Variants in TENM3 observed in about 807,000 individuals in gnomAD.
TENM3 encodes the protein teneurin-3.
Under a neutral mutation model 255.1 loss-of-function variants are expected in TENM3, and 63 were observed. The ratio of observed to expected loss-of-function variants is 0.25; its 90% CI spans 0.20 to 0.30. The LOEUF (loss-of-function observed/expected upper bound fraction) is 0.30. Ranked by LOEUF, TENM3 falls within the 10% of genes least tolerant of loss-of-function variation. The probability of loss-of-function intolerance (pLI) is 1.00; values close to 1 mark genes in which losing one functional copy is unlikely to be tolerated. For missense variants in TENM3, 2,929 were observed against 3,461.1 expected (o/e 0.85, Z 3.86); for synonymous variants, 1,306 against 1,322.3 (o/e 0.99, Z 0.27).
the TENM3 span, among the ~76,000 whole-genome samples, chr4:181,967,006 G>T: frequency 1.8e-4 from 26 of 145,238 alleles, no homozygotes; most frequent in Non-Finnish European, 3.1e-4. Context: ...TCTCTCTCTC[G>T]CTCTCTCTCT....
intron 5 of TENM3, among the ~76,000 whole-genome samples, chr4:182,636,610 G>A (rs1003839742): frequency 2.0e-5 from 3 of 151,832 alleles, no homozygotes; most frequent in African/African-American, 4.8e-5. Context: ...CCAGCTACTC[G>A]GGAGGCTGAG....
At chr4:182,607,968 C>T (rs1234434005) in intron 4 of TENM3, among the ~76,000 whole-genome samples, 2 of 152,076 alleles carry the variant, frequency 1.3e-5, no homozygotes, top group African/African-American at 4.8e-5. Flanking sequence ...TACTCTGGTC[C>T]TAGTCAGTGA....
the TENM3 span, among the ~76,000 whole-genome samples, chr4:182,128,347 T>A: frequency 6.6e-6 from 1 of 152,072 alleles, no homozygotes; most frequent in African/African-American, 2.4e-5. Flanking sequence ...TCTTTTCTTA[T>A]TTTTTACTTT....
chr4:181,640,908 C>T, the TENM3 span, among the ~76,000 whole-genome samples: 1 of 152,156 alleles, frequency 6.6e-6, no homozygotes, highest in South Asian at 2.1e-4. Context: ...TCAAGAATTC[C>T]ATAGAAACCA....
At chr4:181,578,056 A>C in the TENM3 span, among the ~76,000 whole-genome samples, 1 of 152,150 alleles carries the variant, frequency 6.6e-6, no homozygotes, top group African/African-American at 2.4e-5. Context: ...CCAGTGCACT[A>C]AACTGTGGCC....
At chr4:181,966,959 C>T in the TENM3 span, among the ~76,000 whole-genome samples, 4 of 152,072 alleles carry the variant, frequency 2.6e-5, no homozygotes, top group Non-Finnish European at 5.9e-5. Flanking sequence ...CCTCCTTCTT[C>T]TCTCCCTCCC....
chr4:182,606,237 T>A (rs1443800825), intron 4 of TENM3, among the ~76,000 whole-genome samples: 1 of 152,030 alleles, frequency 6.6e-6, no homozygotes, highest in Non-Finnish European at 1.5e-5. Flanking sequence ...GAACAAGAGG[T>A]AGCAGGCCGG....
intron 3 of TENM3, among the ~76,000 whole-genome samples, chr4:182,368,300 C>G (rs1003374241): frequency 2.6e-5 from 4 of 152,106 alleles, no homozygotes; most frequent in African/African-American, 9.7e-5. Flanking sequence ...AACCGTATTC[C>G]CCTCCACCTT....
the TENM3 span, among the ~76,000 whole-genome samples, chr4:181,912,916 C>T: frequency 6.6e-6 from 1 of 152,064 alleles, no homozygotes; most frequent in African/African-American, 2.4e-5. Flanking sequence ...AGTAGAGTTA[C>T]AGCATGCTGA....
At chr4:182,570,797 T>C (rs1744278314) in intron 3 of TENM3, among the ~76,000 whole-genome samples, 1 of 151,086 alleles carries the variant, frequency 6.6e-6, no homozygotes, top group Non-Finnish European at 1.5e-5. Context: ...ACCACTGCAA[T>C]CCAGCCTGGG....
chr4:182,562,559 C>T (rs1743306614), intron 3 of TENM3, among the ~76,000 whole-genome samples: 1 of 152,078 alleles, frequency 6.6e-6, no homozygotes, highest in Admixed American at 6.6e-5. Context: ...GCTGCCCTAC[C>T]GTGACACCCT....
chr4:182,688,585 G>T (rs896648239), intron 12 of TENM3, among the ~76,000 whole-genome samples: 1 of 152,036 alleles, frequency 6.6e-6, no homozygotes, highest in Non-Finnish European at 1.5e-5. Flanking sequence ...TTTTTGGGAC[G>T]GCCACAAAAA....
At chr4:181,909,622 A>G in the TENM3 span, among the ~76,000 whole-genome samples, 1 of 147,272 alleles carries the variant, frequency 6.8e-6, no homozygotes, top group South Asian at 2.2e-4. Flanking sequence ...GTATTTGTTC[A>G]TGTATCATCT....
chr4:181,551,044 C>G, the TENM3 span, among the ~76,000 whole-genome samples: 3 of 152,088 alleles, frequency 2.0e-5, no homozygotes, highest in African/African-American at 7.2e-5. Context: ...AAGTGAAGCA[C>G]CTTGATGGAT....
At chr4:182,375,570 C>G (rs1414767212) in intron 3 of TENM3, among the ~76,000 whole-genome samples, 1 of 152,064 alleles carries the variant, frequency 6.6e-6, no homozygotes, top group African/African-American at 2.4e-5. Context: ...GAGACAGAGT[C>G]TTACTCTGTT....
intron 20 of TENM3, among the ~76,000 whole-genome samples, chr4:182,752,317 A>G (rs1180560090): frequency 6.6e-6 from 1 of 151,932 alleles, no homozygotes; most frequent in East Asian, 1.9e-4. Context: ...ACTACTCTAT[A>G]TAATTCAGGC....
the TENM3 span, among the ~76,000 whole-genome samples, chr4:181,488,787 C>A: frequency 6.6e-6 from 1 of 152,078 alleles, no homozygotes; most frequent in South Asian, 2.1e-4. Context: ...TCTTATCTGG[C>A]AGGTTGAATG....
At chr4:182,381,208 C>A (rs1262733980) in intron 3 of TENM3, among the ~76,000 whole-genome samples, 2 of 152,210 alleles carry the variant, frequency 1.3e-5, no homozygotes, top group Non-Finnish European at 2.9e-5. Flanking sequence ...AGGGGGAAGT[C>A]ACAGAAATTA....
the TENM3 span, among the ~76,000 whole-genome samples, chr4:181,521,256 G>A: frequency 1.3e-5 from 2 of 152,236 alleles, no homozygotes; most frequent in East Asian, 3.9e-4. Context: ...CATCCTGGAG[G>A]AGCATGGCAG....
Sources: gnomAD v4.1 joint callset for allele counts (sites outside exome capture counted in the v4.1 genomes callset) on GRCh38, gnomAD v4.1.1 for gene constraint, MANE v1.5 for transcripts, NCBI Gene and HGNC (gene_info 2026-07-23, HGNC 2026-07-21) for gene names.